The following ITSN2 variants were observed in gnomAD, a reference collection of about 807,000 sequenced individuals.
The protein encoded by ITSN2 is intersectin-2.
A neutral mutation model predicts 243.7 loss-of-function variants in ITSN2; 156 were observed. That is an observed-to-expected ratio of 0.64 (90% CI 0.56 to 0.73). ITSN2 has a LOEUF of 0.73. Ranked by LOEUF, ITSN2 falls within the 30% of genes least tolerant of loss-of-function variation. ITSN2 has a pLI of 0.00. For synonymous variants in ITSN2, 703 were observed against 699.9 expected (o/e 1.00, Z -0.07); for missense variants, 1,801 against 1,996.1 (o/e 0.90, Z 1.86).
Position 24,284,852 on chromosome 2 carries a change from T to C in ITSN2, c.1864-9A>G, listed in dbSNP as rs747105517. 1.4e-6 allele frequency: 2 copies of C among 1,468,896 alleles called. No homozygotes were observed. The highest frequency in any genetic ancestry group is 1.9e-6 in the Non-Finnish European group (2 of 1,063,506). 91.0% of individuals were successfully genotyped at this position (1,468,896 alleles called of 1,614,324 possible). A position where few individuals can be genotyped will look rare whatever the true frequency, so the allele number is the denominator to read the frequency against. ...TCATCCATATTCCCACACTGTAAGA[T>C]AAGGCAGATAAAAAGCCAATTAAAC... On this transcript the variant is annotated splice_polypyrimidine_tract_variant and intron_variant, in intron 16 of 39. Coordinates refer to ENST00000355123, the MANE Select transcript of ITSN2 (RefSeq NM_006277.3).
intron 24 of ITSN2, among the ~76,000 whole-genome samples, chr2:24,253,508 A>G (rs1375542484): frequency 6.6e-6 from 1 of 152,180 alleles, no homozygotes; most frequent in Admixed American, 6.5e-5. Flanking sequence ...CTAGAAGTGC[A>G]TTCTCATCCT....
intron 29 of ITSN2, among the ~76,000 whole-genome samples, chr2:24,229,800 A>G (rs577453457): frequency 2.1e-4 from 32 of 152,244 alleles, no homozygotes; most frequent in African/African-American, 7.5e-4. Context: ...GTGATTGCTG[A>G]TGACTCGATC....
At chr2:24,357,162 AAG>A (rs1188596799) in intron 1 of ITSN2, among the ~76,000 whole-genome samples, 1 of 152,194 alleles carries the variant, frequency 6.6e-6, no homozygotes, top group Admixed American at 6.5e-5. Context: ...TTCTACTCTA[AAG>A]ACACATGCAC....
At chr2:24,206,724 CT>C (rs1237600720) in intron 37 of ITSN2, among the ~76,000 whole-genome samples, 1 of 152,018 alleles carries the variant, frequency 6.6e-6, no homozygotes, top group Non-Finnish European at 1.5e-5. Context: ...AGGGAGTTGC[CT>C]TGAGGGAGCT....
chr2:24,266,694 C>T (rs1194292759), intron 20 of ITSN2, among the ~76,000 whole-genome samples: 1 of 145,408 alleles, frequency 6.9e-6, no homozygotes, highest in African/African-American at 2.6e-5. Context: ...TTTGGGAAGC[C>T]AAGGTAAGAG....
intron 20 of ITSN2, among the ~76,000 whole-genome samples, chr2:24,266,603 T>C (rs1470161776): frequency 1.3e-5 from 2 of 151,488 alleles, no homozygotes; most frequent in Non-Finnish European, 1.5e-5. Context: ...TATGAAATAT[T>C]ATCCTGTAAA....
At chr2:24,350,388 G>A (rs1296394410) in intron 1 of ITSN2, among the ~76,000 whole-genome samples, 1 of 152,172 alleles carries the variant, frequency 6.6e-6, no homozygotes, top group South Asian at 2.1e-4. Context: ...ATATAAAATA[G>A]ATCAACTGCT....
chr2:24,225,645 A>G lies in ITSN2; in HGVS notation c.3578-4579T>C, dbSNP rs1368898075. Reference sequence around the variant, plus strand: ...TGCTCCCCCCAGTCCAGCAAATGCCAAAATAGGCTCCTGATGCTCCTGTCC... The same window carrying G: ...TGCTCCCCCCAGTCCAGCAAATGCCGAAATAGGCTCCTGATGCTCCTGTCC... On this transcript the variant is annotated intron_variant, in intron 29 of 39. Coordinates refer to ENST00000355123, the MANE Select transcript of ITSN2 (RefSeq NM_006277.3). This position sits in a 1 kb window ranked among gnomAD's most constrained non-coding sequence, Gnocchi z 4.2. 6.6e-6 allele frequency among the ~76,000 whole-genome samples: 1 copy of G among 152,096 alleles called. No homozygotes were observed.
Position 24,248,689 on chromosome 2 carries a change from T to A in ITSN2, c.3228A>T (p.Pro1076=). 6.2e-7 allele frequency: 1 copy of A among 1,613,058 alleles called. No individual in the cohort carries two copies. Among genetic ancestry groups the A allele is most frequent in the Non-Finnish European group, 8.5e-7 (1 of 1,179,252 alleles). ...TCTTTAGAATTAATATTAACTGTCC[T>A]GGTGCAAGGCTAAGTTGTTCAGAAC... ...ASGSEQLSLA[P]GQLILILKKN... is the part of the protein sequence containing the mutation. The change falls in exon 27 of 40, where the codon CCA becomes CCT. Residue 1076 remains proline, a synonymous_variant. Coordinates refer to ENST00000355123, the MANE Select transcript of ITSN2 (RefSeq NM_006277.3).
At position 24,211,031 on chromosome 2, in the gene ITSN2, C is replaced by T. The variant is rs1669442722; in HGVS notation, c.4090-84G>A. 2.2e-6 allele frequency: 3 copies of T among 1,338,116 alleles called. No homozygotes were observed. Among genetic ancestry groups the T allele is most frequent in the Non-Finnish European group, 3.2e-6 (3 of 949,062 alleles). The allele number at this position is 1,338,116 out of a possible 1,614,324, so 82.9% of individuals were successfully genotyped here. ...ACCTTCGCAGGACCGCTCCTCCAAC[C>T]CCATGTTATGGACTGCTTCCATGCC... On this transcript the variant is annotated intron_variant, in intron 33 of 39. Transcript: ENST00000355123. The surrounding 1 kb of genome is among the most constrained non-coding windows in gnomAD (Gnocchi z 4.1).
intron 29 of ITSN2, chr2:24,241,011 C>G (rs1274754614): frequency 6.6e-6 from 1 of 152,094 alleles, no homozygotes; most frequent in Non-Finnish European, 1.5e-5. Flanking sequence ...TTAGAGAAGT[C>G]TGATGGTAAA....
chr2:24,295,539 C>T (rs1680843798), intron 14 of ITSN2, 125 bp downstream of exon 14: 1 of 627,580 alleles, frequency 1.6e-6, no homozygotes, highest in Non-Finnish European at 2.5e-6. Context: ...GAACTCCTGA[C>T]CTCAGGGGAT....
At chr2:24,227,463 T>A (rs949017672) in intron 29 of ITSN2, among the ~76,000 whole-genome samples, 2 of 152,068 alleles carry the variant, frequency 1.3e-5, no homozygotes, top group Admixed American at 6.5e-5. Flanking sequence ...CCATAGGTAG[T>A]CTATTAAAAG....
intron 17 of ITSN2, 27 bp from the exon 18 acceptor site, chr2:24,275,876 T>C: frequency 1.3e-6 from 2 of 1,545,852 alleles, no homozygotes; most frequent in South Asian, 1.2e-5. Context: ...AATAAGTCAA[T>C]ACGTGAATGA....
chr2:24,335,694 CA>C (rs78391923), intron 1 of ITSN2, among the ~76,000 whole-genome samples: 125,984 of 151,772 alleles, frequency 0.83, 53,232 homozygotes, highest in East Asian at 0.92. Context: ...GGCTGGAGTG[CA>C]GTGCGCCATC....
intron 39 of ITSN2, 39 bp from the exon 40 acceptor site, chr2:24,203,822 T>A: frequency 1.3e-6 from 2 of 1,573,002 alleles, no homozygotes; most frequent in Non-Finnish European, 1.7e-6. Context: ...GTCTTTCTTC[T>A]TTATAAAATC....
rs768778807 is a variant in ITSN2 at position 24,209,105 on chromosome 2, A to G, written c.4590T>C (p.Asn1530=). The G allele has an allele frequency of 2.5e-6, 4 of 1,614,096 alleles. No individual in the cohort carries two copies. Among genetic ancestry groups the G allele is most frequent in the East Asian group, 2.2e-5 (1 of 44,890 alleles). ...RVYTLRTDNI[N]ERTAWVQKIK... Reference sequence around the variant, plus strand: ...CACACATGGTCAGGACTGACCTCTCATTAATGTTGTCTGTTCGGAGGGTGT... The same window carrying G: ...CACACATGGTCAGGACTGACCTCTCGTTAATGTTGTCTGTTCGGAGGGTGT... Residue 1530 remains asparagine, a synonymous_variant, in exon 36 of 40, where the codon AAT becomes AAC. Coordinates refer to ENST00000355123, the MANE Select transcript of ITSN2 (RefSeq NM_006277.3).
At chr2:24,286,396 A>G (rs2151560418) in intron 15 of ITSN2, 45 bp from the exon 16 acceptor site, 1 of 1,565,308 alleles carries the variant, frequency 6.4e-7, no homozygotes, top group Non-Finnish European at 8.8e-7. Context: ...AGAAGTTCGT[A>G]TGTCATTACC....
chr2:24,328,655 G>T (rs1488552080), intron 1 of ITSN2, among the ~76,000 whole-genome samples: 1 of 152,054 alleles, frequency 6.6e-6, no homozygotes, highest in Non-Finnish European at 1.5e-5. Context: ...TAGGGACAGG[G>T]TTTTGCCATG....
Sources: allele counts gnomAD v4.1 joint callset (sites outside exome capture counted in the v4.1 genomes callset), GRCh38; gene constraint gnomAD v4.1.1; non-coding constraint Gnocchi (gnomAD v3.1); transcripts MANE v1.5; gene names NCBI Gene and HGNC (gene_info 2026-07-23, HGNC 2026-07-21).